Variants in TAFA2 observed in about 807,000 individuals in gnomAD.
The protein encoded by TAFA2 is TAFA chemokine like family member 2.
In TAFA2, 7 loss-of-function variants were observed where a neutral mutation model predicts 18.8. That is an observed-to-expected ratio of 0.37 (90% CI 0.21 to 0.70). TAFA2 has a LOEUF of 0.70. TAFA2 is among the 30% of genes least tolerant of loss of function. The pLI, the probability that TAFA2 is intolerant of heterozygous loss-of-function variation, is 0.53. For missense variants in TAFA2, 122 were observed against 158.1 expected (o/e 0.77, Z 1.23); for synonymous variants, 60 against 54.2 (o/e 1.11, Z -0.47).
At chr12:61,801,503 GAAGA>G (rs1426381303) in intron 2 of TAFA2, among the ~76,000 whole-genome samples, 1 of 151,966 alleles carries the variant, frequency 6.6e-6, no homozygotes, top group Non-Finnish European at 1.5e-5. Flanking sequence ...GAACATAAAT[GAAGA>G]AAGAACACTC....
intron 1 of TAFA2, among the ~76,000 whole-genome samples, chr12:62,098,515 C>T (rs1274698980): frequency 6.6e-6 from 1 of 152,060 alleles, no homozygotes; most frequent in Non-Finnish European, 1.5e-5. Context: ...TAAAAACAAA[C>T]AAACAAAACA....
chr12:62,046,778 T>C (rs1254237972), intron 1 of TAFA2, among the ~76,000 whole-genome samples: 1 of 152,148 alleles, frequency 6.6e-6, no homozygotes, highest in Non-Finnish European at 1.5e-5. Context: ...CTTAGTCTAA[T>C]GGTTATTTGA....
At chr12:62,003,166 C>G (rs1159554805) in intron 1 of TAFA2, among the ~76,000 whole-genome samples, 1 of 152,154 alleles carries the variant, frequency 6.6e-6, no homozygotes, top group African/African-American at 2.4e-5. Context: ...AGTCTATTGT[C>G]AACATGGTAG....
chr12:61,947,201 G>A (rs1023485673), intron 1 of TAFA2, among the ~76,000 whole-genome samples: 32 of 147,078 alleles, frequency 2.2e-4, no homozygotes, highest in Admixed American at 6.9e-4. Context: ...GTAAACTATC[G>A]CAAGGACAAA....
At chr12:61,953,158 G>C (rs184608871) in intron 1 of TAFA2, among the ~76,000 whole-genome samples, 25 of 152,124 alleles carry the variant, frequency 1.6e-4, no homozygotes, top group African/African-American at 5.3e-4. Context: ...AGCCAGTTCA[G>C]TGTCCTGAGA....
chr12:61,955,632 A>AAATATATTT (rs1878655397), intron 1 of TAFA2, among the ~76,000 whole-genome samples: 3 of 41,210 alleles, frequency 7.3e-5, no homozygotes, highest in Non-Finnish European at 1.2e-4. Context: ...AAAAAAAAAA[A>AAATATATTT]ATATATATAT....
chr12:62,007,906 C>T (rs1443045906), intron 1 of TAFA2, among the ~76,000 whole-genome samples: 1 of 152,128 alleles, frequency 6.6e-6, no homozygotes, highest in African/African-American at 2.4e-5. Context: ...TATAGTCAAG[C>T]CTACTGTCCA....
chr12:61,712,057 G>C (rs1381832444), intron 4 of TAFA2, among the ~76,000 whole-genome samples: 2 of 152,096 alleles, frequency 1.3e-5, no homozygotes, highest in African/African-American at 4.8e-5. Flanking sequence ...ATATGTGTGT[G>C]TGTAAAAGAT....
chr12:61,947,209 A>C (rs1003349139), intron 1 of TAFA2, among the ~76,000 whole-genome samples: 3 of 148,462 alleles, frequency 2.0e-5, no homozygotes, highest in Non-Finnish European at 3.0e-5. Context: ...TCGCAAGGAC[A>C]AAAAACCAAA....
intron 4 of TAFA2, among the ~76,000 whole-genome samples, chr12:61,746,899 G>A (rs1388940355): frequency 6.6e-6 from 1 of 152,058 alleles, no homozygotes; most frequent in African/African-American, 2.4e-5. Flanking sequence ...CTTCTGCACA[G>A]CAAAAGAAAC....
At chr12:61,747,763 C>T (rs1016190035) in intron 4 of TAFA2, among the ~76,000 whole-genome samples, 1 of 149,656 alleles carries the variant, frequency 6.7e-6, no homozygotes, top group Non-Finnish European at 1.5e-5. Context: ...ATACCTAATG[C>T]TAGATGACGA....
chr12:62,052,826 T>A (rs1005172535), intron 1 of TAFA2, among the ~76,000 whole-genome samples: 1 of 152,196 alleles, frequency 6.6e-6, no homozygotes, highest in Non-Finnish European at 1.5e-5. Flanking sequence ...ATATTTATTG[T>A]TTGCTAAATA....
At chr12:62,037,648 C>T (rs1366478291) in intron 1 of TAFA2, among the ~76,000 whole-genome samples, 1 of 152,126 alleles carries the variant, frequency 6.6e-6, no homozygotes, top group Non-Finnish European at 1.5e-5. Flanking sequence ...AGGGGCAGAC[C>T]ATCTGTACTT....
intron 1 of TAFA2, among the ~76,000 whole-genome samples, chr12:61,940,224 G>T (rs1346399938): frequency 6.6e-6 from 1 of 152,158 alleles, no homozygotes; most frequent in Non-Finnish European, 1.5e-5. Context: ...ATTGCATAAG[G>T]TCCCAAGCCC....
chr12:62,079,427 CTGATTGCCTGAGG>C (rs1010798904), intron 1 of TAFA2, among the ~76,000 whole-genome samples: 6 of 150,948 alleles, frequency 4.0e-5, no homozygotes, highest in African/African-American at 1.5e-4. Flanking sequence ...CTGAGGAGGG[CTGATTGCCTGAGG>C]TCAGGAGTTT....
rs2884814 is a variant in TAFA2, at chr12:62,125,294, C to G, written c.-2+65965G>C. Among the ~76,000 whole-genome samples the G allele has an allele frequency of 8.1e-3, 1,232 of 152,224 alleles. 19 individuals are homozygous for G. Among genetic ancestry groups the G allele is most frequent in the African/African-American group, 0.029 (1,189 of 41,540 alleles). ...TGACTGATTGAAAACAGAGCAGGAA[C>G]CAAACCAAGCAAACTGCTCTAAGCA... On this transcript the variant is annotated intron_variant, in intron 1 of 4. Transcript: ENST00000416284.
chr12:61,852,367 C>T (rs1382086738), intron 2 of TAFA2, among the ~76,000 whole-genome samples: 1 of 152,130 alleles, frequency 6.6e-6, no homozygotes, highest in Admixed American at 6.5e-5. Context: ...CAAAGACTGG[C>T]TTGCACAACA....
At chr12:61,716,717 T>G (rs1045093652) in intron 4 of TAFA2, among the ~76,000 whole-genome samples, 1 of 152,220 alleles carries the variant, frequency 6.6e-6, no homozygotes, top group African/African-American at 2.4e-5. Context: ...GCAGTCAATT[T>G]CATTTTAAAA....
chr12:61,856,188 A>G (rs1446124689), intron 2 of TAFA2, among the ~76,000 whole-genome samples: 2 of 152,146 alleles, frequency 1.3e-5, no homozygotes, highest in East Asian at 3.9e-4. Flanking sequence ...GTAAAGAGAT[A>G]AACCTGGATT....
Sources: allele counts gnomAD v4.1 joint callset (sites outside exome capture counted in the v4.1 genomes callset), GRCh38; gene constraint gnomAD v4.1.1; transcripts MANE v1.5; gene names NCBI Gene and HGNC (gene_info 2026-07-23, HGNC 2026-07-21).